Variants in FAM227B observed in about 807,000 individuals in gnomAD.
The protein encoded by FAM227B is protein FAM227B.
FAM227B carries 88 observed loss-of-function variants against 73.8 expected under a neutral mutation model. The ratio of observed to expected loss-of-function variants is 1.19; its 90% CI spans 1.00 to 1.42. The LOEUF is 1.42. Among genes scored for constraint, FAM227B ranks in the 40% most tolerant of loss-of-function variants. The probability of loss-of-function intolerance (pLI) is 0.00; values close to 1 mark genes in which losing one functional copy is unlikely to be tolerated. For missense variants in FAM227B, 632 were observed against 590.9 expected (o/e 1.07, Z -0.72); for synonymous variants, 210 against 190.5 (o/e 1.10, Z -0.84).
intron 11 of FAM227B, among the ~76,000 whole-genome samples, chr15:49,495,087 T>C (rs1409364497): frequency 6.6e-6 from 1 of 152,218 alleles, no homozygotes; most frequent in Non-Finnish European, 1.5e-5. Flanking sequence ...TAGTATAATA[T>C]GCTAATAATT....
chr15:49,541,768 C>A lies in FAM227B; in HGVS notation c.786G>T (p.Thr262=). The A allele has an allele frequency of 6.5e-7, 1 of 1,536,802 alleles. No individual in the cohort carries two copies. The highest frequency in any genetic ancestry group is 8.8e-7 in the Non-Finnish European group (1 of 1,141,204). ...PDCLAQAIYA[T]FHEAFPESSY... ...TCGATTCTGGAAATGCTTCATGGAACGTTGCATATATGGCTTGTGCCAAAC... is the reference window on the plus strand; with the variant it reads ...TCGATTCTGGAAATGCTTCATGGAAAGTTGCATATATGGCTTGTGCCAAAC... Residue 262 remains threonine (T), a synonymous_variant, in exon 10 of 16, where the codon ACG becomes ACT. Transcript: ENST00000299338.
chr15:49,367,813 A>T, intron 12 of FAM227B: 1 of 309,058 alleles, frequency 3.2e-6, no homozygotes. Context: ...TACTCTTTTG[A>T]GTTATCATCA....
chr15:49,530,414 T>C (rs1252984936), intron 10 of FAM227B, among the ~76,000 whole-genome samples: 1 of 151,812 alleles, frequency 6.6e-6, no homozygotes, highest in African/African-American at 2.4e-5. Flanking sequence ...TAGTTCTAAC[T>C]AAAGTAAACA....
At chr15:49,514,297 T>C (rs576631288) in intron 10 of FAM227B, among the ~76,000 whole-genome samples, 187 of 152,294 alleles carry the variant, frequency 1.2e-3, no homozygotes, top group Non-Finnish European at 4.0e-4. Flanking sequence ...CAGCTCTCCT[T>C]GAAGAGGTCT....
At position 49,508,267 on chromosome 15, in the gene FAM227B, G is replaced by A; in HGVS notation, c.956C>T (p.Ala319Val). Residue 319 changes from alanine (A) to valine (V), a missense_variant, in exon 11 of 16, where the codon GCA becomes GTA. Physicochemically the swap from Ala to Val is moderately conservative, Grantham distance 64. Transcript: ENST00000299338. Reference sequence around the variant, plus strand: ...TCTTTCCTTTACTGATTTTGCAGGTGCTTTTTTGCTACCATGAATGGTGGT... The same window carrying A: ...TCTTTCCTTTACTGATTTTGCAGGTACTTTTTTGCTACCATGAATGGTGGT... ...STTTIHGSKK[A>V]PAKSVKERIA... is the part of the protein sequence containing the mutation. 1.2e-6 allele frequency: 2 copies of A among 1,610,956 alleles called. No homozygotes were observed. The highest frequency in any genetic ancestry group is 2.2e-5 in the East Asian group (1 of 44,532).
intron 11 of FAM227B, among the ~76,000 whole-genome samples, chr15:49,441,353 T>A (rs1251788964): frequency 6.6e-6 from 1 of 151,782 alleles, no homozygotes; most frequent in Non-Finnish European, 1.5e-5. Context: ...ATAACATATG[T>A]CTTGGATTCA....
At chr15:49,616,767 T>C (rs911089477) in intron 1 of FAM227B, among the ~76,000 whole-genome samples, 2 of 152,252 alleles carry the variant, frequency 1.3e-5, no homozygotes, top group African/African-American at 2.4e-5. Context: ...CTTCTTAATT[T>C]TGGTAAATTA....
intron 9 of FAM227B, among the ~76,000 whole-genome samples, chr15:49,545,785 T>C (rs903210145): frequency 1.3e-5 from 2 of 152,102 alleles, no homozygotes; most frequent in African/African-American, 4.8e-5. Flanking sequence ...TTAACTTCCA[T>C]GTATTGGTAT....
intron 13 of FAM227B, among the ~76,000 whole-genome samples, chr15:49,356,186 C>T (rs910934496): frequency 7.3e-5 from 11 of 151,616 alleles, no homozygotes; most frequent in South Asian, 2.1e-4. Context: ...CATCAACTAA[C>T]GAGCAAAATA....
At chr15:49,412,617 G>A (rs2048944870) in intron 11 of FAM227B, among the ~76,000 whole-genome samples, 1 of 151,812 alleles carries the variant, frequency 6.6e-6, no homozygotes, top group African/African-American at 2.4e-5. Context: ...ATCAGTTTTA[G>A]GTTTTCACAA....
At chr15:49,452,047 AT>A (rs1004537305) in intron 11 of FAM227B, among the ~76,000 whole-genome samples, 110 of 146,162 alleles carry the variant, frequency 7.5e-4, no homozygotes, top group East Asian at 3.6e-3. Flanking sequence ...TACCAACCAG[AT>A]TTTTTTTTTT....
chr15:49,577,161 G>A, intron 6 of FAM227B: 1 of 282,952 alleles, frequency 3.5e-6, no homozygotes, highest in Non-Finnish European at 6.9e-6. Context: ...GCTGGGCGTG[G>A]TGGCACGTGC....
At chr15:49,351,726 A>G (rs1596398584) in intron 13 of FAM227B, among the ~76,000 whole-genome samples, 1 of 150,472 alleles carries the variant, frequency 6.6e-6, no homozygotes, top group East Asian at 1.9e-4. Context: ...TTGAACCCTG[A>G]TAACAGTCCC....
intron 9 of FAM227B, among the ~76,000 whole-genome samples, chr15:49,548,388 T>C (rs1198322297): frequency 6.6e-6 from 1 of 152,198 alleles, no homozygotes; most frequent in African/African-American, 2.4e-5. Context: ...TATTGATGAA[T>C]GATCTTTCTC....
chr15:49,390,680 T>C (rs185135213), intron 11 of FAM227B, among the ~76,000 whole-genome samples: 1 of 152,158 alleles, frequency 6.6e-6, no homozygotes, highest in African/African-American at 2.4e-5. Flanking sequence ...TCTGCTTATT[T>C]AAAATGTTAT....
chr15:49,443,577 A>T (rs2051884930), intron 11 of FAM227B, among the ~76,000 whole-genome samples: 1 of 151,754 alleles, frequency 6.6e-6, no homozygotes, highest in Non-Finnish European at 1.5e-5. Context: ...ATAGAACAAA[A>T]ATGAGAAAAT....
chr15:49,555,681 T>C (rs1480084766), intron 9 of FAM227B, among the ~76,000 whole-genome samples: 1 of 152,218 alleles, frequency 6.6e-6, no homozygotes, highest in Non-Finnish European at 1.5e-5. Context: ...AGGATGTCAA[T>C]GAGTCATAGA....
chr15:49,578,635 T>C (rs957626469), intron 5 of FAM227B, among the ~76,000 whole-genome samples: 1 of 152,124 alleles, frequency 6.6e-6, no homozygotes, highest in Non-Finnish European at 1.5e-5. Context: ...TAAAACAAAT[T>C]GGAAAGAATG....
chr15:49,387,495 C>T (rs1391313950), intron 11 of FAM227B, among the ~76,000 whole-genome samples: 1 of 151,576 alleles, frequency 6.6e-6, no homozygotes, highest in African/African-American at 2.4e-5. Flanking sequence ...TAATAAAATC[C>T]ATATATGACA....
Sources: allele counts gnomAD v4.1 joint callset (sites outside exome capture counted in the v4.1 genomes callset), GRCh38; gene constraint gnomAD v4.1.1; transcripts MANE v1.5; gene names NCBI Gene and HGNC (gene_info 2026-07-23, HGNC 2026-07-21).